Variants in ZFC3H1 observed in about 807,000 individuals in gnomAD.
The protein encoded by ZFC3H1 is zinc finger C3H1 domain-containing protein.
Under a neutral mutation model 243.7 loss-of-function variants are expected in ZFC3H1, and 71 were observed. That is an observed-to-expected ratio of 0.29 (90% CI 0.24 to 0.36). The LOEUF is 0.36. ZFC3H1 is among the 10% of genes least tolerant of loss of function. The probability of loss-of-function intolerance (pLI) is 1.00; values close to 1 mark genes in which losing one functional copy is unlikely to be tolerated. For missense variants in ZFC3H1, 1,966 were observed against 2,317.1 expected, an observed-to-expected ratio of 0.85 and a Z score of 3.11; for synonymous variants, 838 against 813.0, an observed-to-expected ratio of 1.03 and a Z score of -0.52.
At chr12:71,637,185 CTAAGTA>C (rs1416626464) in intron 7 of ZFC3H1, 126 bp from the exon 8 acceptor site, 8 of 827,380 alleles carry the variant, frequency 9.7e-6, no homozygotes, top group African/African-American at 7.0e-5. Flanking sequence ...ATATAGTAAG[CTAAGTA>C]TATGTTAACC....
chr12:71,643,592 G>C (rs1880654995), intron 5 of ZFC3H1, among the ~76,000 whole-genome samples: 1 of 152,014 alleles, frequency 6.6e-6, no homozygotes, highest in Admixed American at 6.6e-5. Context: ...AAGGGAGGGA[G>C]AGAGAAAAAG....
chr12:71,647,611 C>T (rs1417135514), intron 3 of ZFC3H1, 138 bp downstream of exon 3: 9 of 533,026 alleles, frequency 1.7e-5, no homozygotes, highest in Admixed American at 4.2e-5. Context: ...TTCTTTAAGG[C>T]TTATGTCCAA....
At chr12:71,619,249 CTG>C in intron 27 of ZFC3H1, 64 bp downstream of exon 27, 2 of 1,422,236 alleles carry the variant, frequency 1.4e-6, no homozygotes, top group Non-Finnish European at 1.9e-6. Flanking sequence ...AAGAAAAAAA[CTG>C]TAATCTTTCT....
chr12:71,645,099 A>G, intron 3 of ZFC3H1, 24 bp from the exon 4 acceptor site: 2 of 1,551,826 alleles, frequency 1.3e-6, no homozygotes, highest in Non-Finnish European at 1.7e-6. Context: ...AGAAAGAGCT[A>G]AAATTTTTTA....
At chr12:71,620,180 A>T in intron 25 of ZFC3H1, 30 bp downstream of exon 25, 1 of 1,613,130 alleles carries the variant, frequency 6.2e-7, no homozygotes, top group Admixed American at 1.7e-5. Context: ...TTTTTAATAT[A>T]AGGTTAGCTG....
chr12:71,611,579 G>A (rs1413538712), intron 32 of ZFC3H1: 2 of 169,106 alleles, frequency 1.2e-5, no homozygotes, highest in African/African-American at 4.9e-5. Flanking sequence ...GCTTTTAGAG[G>A]CTATTCAATG....
Position 71,634,268 on chromosome 12 carries a change from C to T in ZFC3H1, c.2397G>A (p.Leu799=). 6.2e-7 allele frequency: 1 copy of T among 1,614,058 alleles called. No homozygotes were observed. The highest frequency in any genetic ancestry group is 8.5e-7 in the Non-Finnish European group (1 of 1,179,982). Residue 799 remains leucine, a synonymous_variant, in exon 12 of 35, where the codon CTG becomes CTA. Coordinates refer to ENST00000378743, the MANE Select transcript of ZFC3H1 (RefSeq NM_144982.5). ...TTGCTGGGGATGATGAACTTGTCTT[C>T]AGCTGATCTGATTTAATCAAACGCT... ...EKQRLIKSDQ[L]KTSSSSPANS... is the part of the protein sequence containing the mutation.
At chr12:71,636,769 G>A in intron 8 of ZFC3H1, 81 bp downstream of exon 8, 1 of 1,562,740 alleles carries the variant, frequency 6.4e-7, no homozygotes, top group South Asian at 1.2e-5. Flanking sequence ...GCCCAATGAT[G>A]CCCAAGTAAC....
rs1414999296 is a variant in ZFC3H1, at chr12:71,635,364, GT to G, written c.2238+78del. On this transcript the variant is annotated intron_variant, in intron 10 of 34. Coordinates refer to ENST00000378743, the MANE Select transcript of ZFC3H1 (RefSeq NM_144982.5). ...GTTATTAAAAATCTATAACTTTATG[GT>G]TTAATTTTCAGGAAAAAATAAACTT... The G allele has an allele frequency of 4.0e-6, 6 of 1,495,060 alleles. No homozygotes were observed. In the African/African-American group the frequency reaches 5.9e-5, roughly 15 times the overall value. 92.6% of individuals were successfully genotyped at this position (1,495,060 alleles called of 1,614,324 possible).
chr12:71,643,565 G>A (rs974632143), intron 5 of ZFC3H1, among the ~76,000 whole-genome samples: 2 of 151,616 alleles, frequency 1.3e-5, no homozygotes, highest in African/African-American at 4.9e-5. Flanking sequence ...CTTCTTTTTG[G>A]GTGGAGAGGG....
chr12:71,635,585 A>C lies in ZFC3H1; in HGVS notation c.2101-5T>G. On this transcript the variant is annotated splice_polypyrimidine_tract_variant and splice_region_variant and intron_variant, in intron 9 of 34. Transcript: ENST00000378743. ...CACTGATTTATGCTTTGGAAGCTGC[A>C]AAGACAATATATTTATTACTCGTGA... The C allele has an allele frequency of 2.6e-6, 4 of 1,534,016 alleles. No individual in the cohort carries two copies. Among genetic ancestry groups the C allele is most frequent in the Non-Finnish European group, 3.5e-6 (4 of 1,151,800 alleles).
In ZFC3H1 at chr12:71,632,058, G is replaced by C. The variant is rs751768316; in HGVS notation, c.3274C>G (p.Gln1092Glu). The C allele has an allele frequency of 9.9e-6, 16 of 1,608,920 alleles. No individual in the cohort carries two copies. Among genetic ancestry groups the C allele is most frequent in the Non-Finnish European group, 1.4e-5 (16 of 1,178,652 alleles). The stretch of plus-strand genomic sequence containing the variant: ...CTGTCAGCTTTTGAATACAATTTTT[G>C]CAATTCACCAATTTTTAACCCTAGA... ...LFLGLKIGEL[Q>E]KLYSKADSLK... Residue 1092 changes from glutamine to glutamate, a missense_variant, in exon 15 of 35, where the codon CAA becomes GAA. Physicochemically the swap from Gln to Glu is conservative, Grantham distance 29. This residue lies in a region of ZFC3H1 where 1,383 missense variants were observed against 1,723.7 expected (regional missense o/e 0.80). Coordinates refer to ENST00000378743, the MANE Select transcript of ZFC3H1 (RefSeq NM_144982.5).
chr12:71,663,663 C>G lies in ZFC3H1; in HGVS notation c.-53G>C. 5.1e-6 allele frequency: 8 copies of G among 1,556,972 alleles called. No homozygotes were observed. Among genetic ancestry groups the G allele is most frequent in the Middle Eastern group, 1.7e-4 (1 of 5,830 alleles). The stretch of plus-strand genomic sequence containing the variant: ...TTAGCCCTCCGTCCGGGGATCCGCC[C>G]GACAATTGCCTCGTTTCCCTTCTTT... On this transcript the variant is annotated 5_prime_UTR_variant, in exon 1 of 35. Transcript: ENST00000378743.
At position 71,619,825 on chromosome 12, in the gene ZFC3H1, C is replaced by T. The variant is rs1879980010; in HGVS notation, c.5049+101G>A. 21 of 1,084,846 alleles carry T rather than the reference C, an allele frequency of 1.9e-5. 1 individual carries two copies. The Middle Eastern group carries it at 9.2e-4, about 48-fold the overall frequency. The allele number at this position is 1,084,846 out of a possible 1,614,324, so 67.2% of individuals were successfully genotyped here. A position where few individuals can be genotyped will look rare whatever the true frequency, so the allele number is the denominator to read the frequency against. On this transcript the variant is annotated intron_variant, in intron 26 of 34. Transcript: ENST00000378743. ...AAGAGAGAAGGAACACCTAACACTG[C>T]TTGCAAAGGGTAAAAGGACCAGGAA...
At chr12:71,619,258 T>G (rs912364138) in intron 27 of ZFC3H1, 57 bp downstream of exon 27, 19 of 1,479,218 alleles carry the variant, frequency 1.3e-5, no homozygotes, top group Non-Finnish European at 1.7e-5. Context: ...ACTGTAATCT[T>G]TCTACTGAAC....
rs781309402 is a variant in ZFC3H1 at position 71,620,197 on chromosome 12, A to C, written c.4850+13T>G. The stretch of plus-strand genomic sequence containing the variant: ...TTTAATATAAGGTTAGCTGCTTGGC[A>C]ATTAAGTTGTACCTCTCCAGGAGTT... On this transcript the variant is annotated intron_variant, in intron 25 of 34. Coordinates refer to ENST00000378743, the MANE Select transcript of ZFC3H1 (RefSeq NM_144982.5). 6.2e-7 allele frequency: 1 copy of C among 1,613,910 alleles called. No homozygotes were observed. Among genetic ancestry groups the C allele is most frequent in the African/African-American group, 1.3e-5 (1 of 74,924 alleles).
intron 19 of ZFC3H1, 42 bp from the exon 20 acceptor site, chr12:71,629,079 T>A (rs768964325): frequency 3.0e-5 from 45 of 1,507,096 alleles, no homozygotes; most frequent in South Asian, 1.2e-4. Flanking sequence ...TATAACTAGT[T>A]TTTTTTTTAA....
At chr12:71,652,709 C>G (rs945052918) in intron 2 of ZFC3H1, among the ~76,000 whole-genome samples, 1 of 152,166 alleles carries the variant, frequency 6.6e-6, no homozygotes, top group Non-Finnish European at 1.5e-5. Context: ...TTCTATCCCT[C>G]TGTGTTATAC....
intron 1 of ZFC3H1, 89 bp from the exon 2 acceptor site, chr12:71,657,390 CT>C: frequency 1.0e-6 from 1 of 988,082 alleles, no homozygotes; most frequent in Non-Finnish European, 1.4e-6. Flanking sequence ...AATTTTCTCC[CT>C]TTTTAATTTT....
Sources: allele counts gnomAD v4.1 joint callset (sites outside exome capture counted in the v4.1 genomes callset), GRCh38; gene constraint gnomAD v4.1.1; regional missense constraint gnomAD v4.1.1; transcripts MANE v1.5; gene names NCBI Gene and HGNC (gene_info 2026-07-23, HGNC 2026-07-21).